Variants in ALAD observed in about 807,000 individuals in gnomAD.
ALAD encodes the protein aminolevulinate dehydratase, also known as delta-aminolevulinic acid dehydratase.
Under a neutral mutation model 44.4 loss-of-function variants are expected in ALAD, and 20 were observed. The ratio of observed to expected loss-of-function variants is 0.45; its 90% CI spans 0.32 to 0.65. The LOEUF (loss-of-function observed/expected upper bound fraction) is 0.65, where lower values mean the gene tolerates loss of function less well. Ranked by LOEUF, ALAD falls within the 30% of genes least tolerant of loss-of-function variation. ALAD has a pLI of 0.05. For missense variants in ALAD, 323 were observed against 445.7 expected (o/e 0.72, Z 2.48); for synonymous variants, 156 against 167.9 (o/e 0.93, Z 0.55).
chr9:113,398,148 G>C (rs1827779146), intron 1 of ALAD: 1 of 152,218 alleles, frequency 6.6e-6, no homozygotes, highest in African/African-American at 2.4e-5. Context: ...AGAAACAAAA[G>C]AAAAACATAC....
rs1827656949 is a variant in ALAD, at chr9:113,393,640, G to A, written c.-75-6C>T. 8.7e-7 allele frequency: 1 copy of A among 1,145,662 alleles called. No homozygotes were observed. Among genetic ancestry groups the A allele is most frequent in the South Asian group, 1.2e-5 (1 of 80,554 alleles). The allele number at this position is 1,145,662 out of a possible 1,614,324, so 71.0% of individuals were successfully genotyped here. A position where few individuals can be genotyped will look rare whatever the true frequency, so the allele number is the denominator to read the frequency against. ...GCATTGGCTGCAGGCTCTGTCTGTG[G>A]GGGGTGATGGGTGGCACATGAGACA... On this transcript the variant is annotated splice_polypyrimidine_tract_variant and splice_region_variant and intron_variant, in intron 1 of 11. Coordinates refer to ENST00000409155, the MANE Select transcript of ALAD (RefSeq NM_000031.6).
chr9:113,394,970 G>A (rs933193618), intron 1 of ALAD, among the ~76,000 whole-genome samples: 8 of 152,008 alleles, frequency 5.3e-5, no homozygotes, highest in Non-Finnish European at 8.8e-5. Context: ...CAGGAGAACT[G>A]CTTGAATCCA....
At chr9:113,388,843 G>C (rs1827480693) in intron 11 of ALAD, 134 bp downstream of exon 11, 26 of 1,357,108 alleles carry the variant, frequency 1.9e-5, no homozygotes, top group Non-Finnish European at 2.5e-5. Flanking sequence ...CTCTTCCTCA[G>C]TGTGTGTCTG....
intron 1 of ALAD, among the ~76,000 whole-genome samples, chr9:113,394,222 G>A (rs1204252103): frequency 6.7e-6 from 1 of 149,916 alleles, no homozygotes; most frequent in Non-Finnish European, 1.5e-5. Context: ...TTACAGGCGT[G>A]AGCCACGGTG....
chr9:113,393,309 T>C, intron 2 of ALAD, 138 bp downstream of exon 2: 1 of 763,970 alleles, frequency 1.3e-6, no homozygotes, highest in Non-Finnish European at 2.3e-6. Context: ...AGTAGCCTGC[T>C]TCCAGTGCCT....
At position 113,388,228 on chromosome 9, in the gene ALAD, CT is replaced by C. The variant is rs1423261869; in HGVS notation, c.*71del. 6.7e-7 allele frequency: 1 copy of C among 1,484,046 alleles called. No homozygotes were observed. Among genetic ancestry groups the C allele is most frequent in the Non-Finnish European group, 9.4e-7 (1 of 1,061,564 alleles). The allele number at this position is 1,484,046 out of a possible 1,614,324, so 91.9% of individuals were successfully genotyped here. On this transcript the variant is annotated 3_prime_UTR_variant, in exon 12 of 12. Coordinates refer to ENST00000409155, the MANE Select transcript of ALAD (RefSeq NM_000031.6). ...GGCACAGTTCTAAAAGCAGCATTTA[CT>C]TTGGTTTTCACTTGTCTGAGGCCCC... is the stretch of plus-strand genomic sequence containing the variant.
At chr9:113,399,970 T>G (rs1827816134) in intron 1 of ALAD, among the ~76,000 whole-genome samples, 1 of 152,184 alleles carries the variant, frequency 6.6e-6, no homozygotes, top group Non-Finnish European at 1.5e-5. Context: ...CCACATTTCT[T>G]GAATATCTAC....
At chr9:113,399,163 A>G (rs977109067) in intron 1 of ALAD, among the ~76,000 whole-genome samples, 1 of 152,204 alleles carries the variant, frequency 6.6e-6, no homozygotes, top group Non-Finnish European at 1.5e-5. Context: ...TCTGCTGTGT[A>G]ATTTTGGGCA....
intron 2 of ALAD, 51 bp downstream of exon 2, chr9:113,393,396 C>A (rs1209784708): frequency 2.3e-5 from 33 of 1,465,492 alleles, no homozygotes; most frequent in Admixed American, 3.4e-5. Context: ...CCCTCCCCAA[C>A]CCCAACCCCA....
At position 113,396,388 on chromosome 9, in the gene ALAD, C is replaced by CAAA. The variant is rs11299029; in HGVS notation, c.-75-2757_-75-2755dup. On this transcript the variant is annotated intron_variant, in intron 1 of 11. Transcript: ENST00000409155. ...TGGGCGACAGTGTGAGACTCCATCT[C>CAAA]AAAAAAAAAAAAAAAAAAGAAAATG... 2.4e-3 allele frequency: 221 copies of CAAA among 92,112 alleles called. 1 individual carries two copies. The highest frequency in any genetic ancestry group is 7.9e-3 in the African/African-American group (201 of 25,344). 5.7% of individuals were successfully genotyped at this position (92,112 alleles called of 1,614,324 possible). A position where few individuals can be genotyped will look rare whatever the true frequency, so the allele number is the denominator to read the frequency against.
Position 113,393,642 on chromosome 9 carries a change from G to A in ALAD, c.-75-8C>T, listed in dbSNP as rs1219529104. 7.2e-6 allele frequency: 8 copies of A among 1,118,126 alleles called. No individual in the cohort carries two copies. Among genetic ancestry groups the A allele is most frequent in the Non-Finnish European group, 1.1e-5 (8 of 733,618 alleles). The allele number at this position is 1,118,126 out of a possible 1,614,324, so 69.3% of individuals were successfully genotyped here. A position where few individuals can be genotyped will look rare whatever the true frequency, so the allele number is the denominator to read the frequency against. On this transcript the variant is annotated splice_polypyrimidine_tract_variant and splice_region_variant and intron_variant, in intron 1 of 11. Transcript: ENST00000409155. The stretch of plus-strand genomic sequence containing the variant: ...ATTGGCTGCAGGCTCTGTCTGTGGG[G>A]GGTGATGGGTGGCACATGAGACATG...
At position 113,390,802 on chromosome 9, in the gene ALAD, G is replaced by A. The variant is rs1827558821; in HGVS notation, c.393C>T (p.His131=). The A allele has an allele frequency of 1.2e-6, 2 of 1,610,028 alleles. No individual in the cohort carries two copies. The highest frequency in any genetic ancestry group is 2.7e-5 in the African/African-American group (2 of 75,044). ...GGTGGGAGGGAGGGAACTCACCGCA[G>A]TGACCATGGGAGGTGTAGGGACACA... ...VCLCPYTSHG[H]CGLLSENGAF... The change falls in exon 5 of 12, where the codon CAC becomes CAT. Residue 131 remains histidine, a synonymous_variant. Coordinates refer to ENST00000409155, the MANE Select transcript of ALAD (RefSeq NM_000031.6).
intron 1 of ALAD, among the ~76,000 whole-genome samples, chr9:113,399,787 C>G (rs818688): frequency 0.43 from 64,843 of 151,744 alleles, 14,572 homozygotes; most frequent in African/African-American, 0.58. Flanking sequence ...CGCACAGAGG[C>G]TTAGGACCTG....
In ALAD at chr9:113,389,045, C is replaced by G. The variant is rs367823672; in HGVS notation, c.863G>C (p.Gly288Ala). 9 of 1,613,828 alleles carry G rather than the reference C, an allele frequency of 5.6e-6. No homozygotes were observed. Among genetic ancestry groups the G allele is most frequent in the Non-Finnish European group, 7.6e-6 (9 of 1,180,040 alleles). Residue 288 changes from glycine (G) to alanine (A), a missense_variant, in exon 11 of 12, where the codon GGA becomes GCA. Physicochemically the swap from Gly to Ala is moderately conservative, Grantham distance 60. Coordinates refer to ENST00000409155, the MANE Select transcript of ALAD (RefSeq NM_000031.6). ...GAGATCAAATGCCCCGGCCTGGGCT[C>G]CATGCCACAGCATGGCAAACTCTCC... ...VSGEFAMLWH[G>A]AQAGAFDLKA...
rs8177803 is a variant in ALAD, at chr9:113,391,263, C to T, written c.261+264G>A. ...TGTCACCCAGGCTAGAGTGCACTGG[C>T]GCGATTTTGGCTCACTGCAGCCTCG... is the stretch of plus-strand genomic sequence containing the variant. On this transcript the variant is annotated intron_variant, in intron 4 of 11. Coordinates refer to ENST00000409155, the MANE Select transcript of ALAD (RefSeq NM_000031.6). Among the ~76,000 whole-genome samples the T allele has an allele frequency of 3.0e-3, 455 of 152,194 alleles. 2 individuals are homozygous for T. The highest frequency in any genetic ancestry group is 0.011 in the African/African-American group (436 of 41,514).
At position 113,389,125 on chromosome 9, in the gene ALAD, G is replaced by A; in HGVS notation, c.802-19C>T. ...CAGGGTGCTGCAGGGAAGCAGACAG[G>A]GAGACAGGCTGAAATGGAGGGTGGA... On this transcript the variant is annotated intron_variant, in intron 10 of 11. Transcript: ENST00000409155. 1 of 1,613,842 alleles carries A rather than the reference G, an allele frequency of 6.2e-7. No homozygotes were observed. The highest frequency in any genetic ancestry group is 2.2e-5 in the East Asian group (1 of 44,874).
At chr9:113,388,426 C>A (rs938894418) in intron 11 of ALAD, 65 bp from the exon 12 acceptor site, 4 of 1,499,998 alleles carry the variant, frequency 2.7e-6, no homozygotes, top group Non-Finnish European at 3.7e-6. Context: ...ACACCTTCTG[C>A]GATGGGAAGG....
At position 113,393,455 on chromosome 9, in the gene ALAD, G is replaced by C; in HGVS notation, c.105C>G (p.Ile35Met). The C allele has an allele frequency of 6.2e-7, 1 of 1,613,122 alleles. No homozygotes were observed. Among genetic ancestry groups the C allele is most frequent in the East Asian group, 2.2e-5 (1 of 44,866 alleles). Residue 35 changes from isoleucine to methionine, a missense_variant, in exon 2 of 12, where the codon ATC (isoleucine) becomes ATG (methionine). Transcript: ENST00000409155. ...CATTCTTGGAGACTCACGTGACAAAGATGGGGTAGATGAGGTTGGAGGCAT... is the reference window on the plus strand; with the variant it reads ...CATTCTTGGAGACTCACGTGACAAACATGGGGTAGATGAGGTTGGAGGCAT... ...TLNASNLIYP[I>M]FVTDVPDDIQ... is the part of the protein sequence containing the mutation.
chr9:113,395,190 C>T (rs933234518), intron 1 of ALAD, among the ~76,000 whole-genome samples: 8 of 152,118 alleles, frequency 5.3e-5, no homozygotes, highest in Non-Finnish European at 8.8e-5. Context: ...GTATAGAGTG[C>T]CACCAAATCT....
Sources: allele counts gnomAD v4.1 joint callset (sites outside exome capture counted in the v4.1 genomes callset), GRCh38; gene constraint gnomAD v4.1.1; transcripts MANE v1.5; gene names NCBI Gene and HGNC (gene_info 2026-07-23, HGNC 2026-07-21).